Variants in YES1 observed in about 807,000 individuals in gnomAD.
The protein encoded by YES1 is YES proto-oncogene 1, Src family tyrosine kinase.
YES1 carries 39 observed loss-of-function variants against 70.4 expected under a neutral mutation model. That is an observed-to-expected ratio of 0.55 (90% CI 0.43 to 0.72). The LOEUF (loss-of-function observed/expected upper bound fraction) is 0.72, where lower values mean the gene tolerates loss of function less well. Ranked by LOEUF, YES1 falls within the 30% of genes least tolerant of loss-of-function variation. YES1 has a pLI of 0.00. For synonymous variants in YES1, 198 were observed against 218.6 expected (o/e 0.91, Z 0.83); for missense variants, 495 against 644.8 (o/e 0.77, Z 2.52).
At chr18:806,752 A>T (rs1365117129) in intron 1 of YES1, among the ~76,000 whole-genome samples, 7 of 152,234 alleles carry the variant, frequency 4.6e-5, no homozygotes, top group African/African-American at 1.4e-4. Context: ...CATAACACCA[A>T]TCTCTTGCTA....
chr18:783,004 A>G (rs1345972857), intron 1 of YES1, among the ~76,000 whole-genome samples: 2 of 152,276 alleles, frequency 1.3e-5, no homozygotes, highest in East Asian at 3.9e-4. Context: ...TTCTGATCTC[A>G]ATAGCTAATG....
intron 11 of YES1, among the ~76,000 whole-genome samples, chr18:727,308 T>C (rs1462913839): frequency 6.6e-6 from 1 of 152,188 alleles, no homozygotes; most frequent in Non-Finnish European, 1.5e-5. Context: ...ATTTGCAGAG[T>C]ATAACTTTTC....
Position 799,871 on chromosome 18 carries a change from C to T in YES1, c.-9+12243G>A, listed in dbSNP as rs114193072. On this transcript the variant is annotated intron_variant, in intron 1 of 11. Transcript: ENST00000314574. ...CTGCCCTCCAGCCTGGGCTAAAGAA[C>T]GAGACTCTGTCTCAAAACAAACAAA... Among the ~76,000 whole-genome samples, 1,198 of 151,350 alleles carry T rather than the reference C, an allele frequency of 7.9e-3. 13 individuals are homozygous for T. The highest frequency in any genetic ancestry group is 0.028 in the African/African-American group (1,135 of 41,180).
chr18:788,833 G>A (rs1338960420), intron 1 of YES1, among the ~76,000 whole-genome samples: 2 of 152,156 alleles, frequency 1.3e-5, no homozygotes, highest in African/African-American at 4.8e-5. Flanking sequence ...GGCTGAGGCA[G>A]GAGAATCACT....
intron 3 of YES1, among the ~76,000 whole-genome samples, chr18:751,375 T>C (rs1005172116): frequency 6.6e-6 from 1 of 152,134 alleles, no homozygotes; most frequent in Non-Finnish European, 1.5e-5. Context: ...TTACACCATC[T>C]GGTACTTAGA....
chr18:793,198 C>T (rs1028351219), intron 1 of YES1, among the ~76,000 whole-genome samples: 3 of 151,974 alleles, frequency 2.0e-5, no homozygotes, highest in African/African-American at 7.3e-5. Context: ...TGCCACCATG[C>T]CCGGATGATT....
At chr18:787,435 C>T (rs748767422) in intron 1 of YES1, among the ~76,000 whole-genome samples, 8 of 151,816 alleles carry the variant, frequency 5.3e-5, no homozygotes, top group East Asian at 2.0e-4. Flanking sequence ...TTGGGCTGGG[C>T]GCGGTGGCTC....
intron 1 of YES1, among the ~76,000 whole-genome samples, chr18:800,268 C>A (rs1182162420): frequency 6.6e-6 from 1 of 152,196 alleles, no homozygotes; most frequent in East Asian, 1.9e-4. Context: ...CATGTTCCTA[C>A]AATCAAAAAT....
In YES1 at chr18:783,832, T is replaced by C. The variant is rs1240382159; in HGVS notation, c.-8-26997A>G. On this transcript the variant is annotated intron_variant, in intron 1 of 11. Transcript: ENST00000314574. ...TTTCACCATGTTGGCCAGGCTAGTC[T>C]TGAACGCCTGACATCAGGTGATCCA... is the stretch of plus-strand genomic sequence containing the variant. Among the ~76,000 whole-genome samples the C allele has an allele frequency of 2.6e-5, 4 of 152,176 alleles. No homozygotes were observed. In the East Asian group the frequency reaches 7.7e-4, roughly 29 times the overall value.
chr18:802,182 G>A (rs769889424), intron 1 of YES1, among the ~76,000 whole-genome samples: 2 of 152,168 alleles, frequency 1.3e-5, no homozygotes, highest in African/African-American at 4.8e-5. Context: ...CGAGGAGTTC[G>A]AGGCTGTAAT....
chr18:787,143 C>T lies in YES1; in HGVS notation c.-9+24971G>A, dbSNP rs182039271. Among the ~76,000 whole-genome samples the T allele has an allele frequency of 1.9e-3, 208 of 110,292 alleles. 1 individual carries two copies. The highest frequency in any genetic ancestry group is 6.7e-3 in the African/African-American group (190 of 28,506). 72.4% of individuals were successfully genotyped at this position (110,292 alleles called of 152,430 possible). Reference sequence around the variant, plus strand: ...ACAGAGTCTCGCTCTGTGGCCCAGGCTGGAGGAGTGCAGTGGCACAATCTC... The same window carrying T: ...ACAGAGTCTCGCTCTGTGGCCCAGGTTGGAGGAGTGCAGTGGCACAATCTC... On this transcript the variant is annotated intron_variant, in intron 1 of 11. Transcript: ENST00000314574.
At chr18:799,077 C>G (rs565843582) in intron 1 of YES1, among the ~76,000 whole-genome samples, 1 of 152,318 alleles carries the variant, frequency 6.6e-6, no homozygotes, top group Admixed American at 6.5e-5. Context: ...GTTGGACTAA[C>G]CAGTTTGCTT....
chr18:767,196 C>A (rs186470024), intron 1 of YES1, among the ~76,000 whole-genome samples: 146 of 152,254 alleles, frequency 9.6e-4, no homozygotes, highest in Non-Finnish European at 1.1e-3. Flanking sequence ...GCTACTCTGG[C>A]TGGAGTACAG....
chr18:731,123 G>A (rs755724435), intron 11 of YES1, among the ~76,000 whole-genome samples: 3 of 152,154 alleles, frequency 2.0e-5, no homozygotes, highest in Non-Finnish European at 4.4e-5. Context: ...CTGGAAAGAT[G>A]GCAAGTGGTG....
At chr18:744,689 CTTTTT>C (rs71174284) in intron 6 of YES1, among the ~76,000 whole-genome samples, 7 of 56,876 alleles carry the variant, frequency 1.2e-4, no homozygotes, top group Non-Finnish European at 2.0e-4. Flanking sequence ...CACGCCTGGC[CTTTTT>C]TTTTTTTTTT....
intron 1 of YES1, among the ~76,000 whole-genome samples, chr18:764,880 A>G (rs575217131): frequency 1.8e-4 from 28 of 151,374 alleles, no homozygotes; most frequent in African/African-American, 3.2e-4. Flanking sequence ...TTACAGGTGC[A>G]CACCACCACA....
At chr18:726,960 T>C (rs1003773901) in intron 11 of YES1, among the ~76,000 whole-genome samples, 3 of 152,110 alleles carry the variant, frequency 2.0e-5, no homozygotes, top group Non-Finnish European at 4.4e-5. Flanking sequence ...GTAAGAACAG[T>C]AGGCAATGGA....
At chr18:740,979 C>T (rs959861956) in intron 8 of YES1, among the ~76,000 whole-genome samples, 1 of 152,174 alleles carries the variant, frequency 6.6e-6, no homozygotes, top group Admixed American at 6.5e-5. Context: ...CTCACTGCAA[C>T]CTCTGCCTCC....
intron 6 of YES1, among the ~76,000 whole-genome samples, chr18:745,192 A>G (rs2080265236): frequency 6.6e-6 from 1 of 152,186 alleles, no homozygotes; most frequent in Admixed American, 6.5e-5. Context: ...GAAGATTCTA[A>G]TATTAAATAC....
Sources: allele counts gnomAD v4.1 joint callset (sites outside exome capture counted in the v4.1 genomes callset), GRCh38; gene constraint gnomAD v4.1.1; transcripts MANE v1.5; gene names NCBI Gene and HGNC (gene_info 2026-07-23, HGNC 2026-07-21).